The following CSMD1 variants were observed in gnomAD, a reference collection of about 807,000 sequenced individuals.
CSMD1 encodes CUB and sushi domain-containing protein 1.
In CSMD1, 213 loss-of-function variants were observed where a neutral mutation model predicts 417.5. That is an observed-to-expected ratio of 0.51 (90% CI 0.46 to 0.57). CSMD1 has a LOEUF of 0.57. CSMD1 is among the 20% of genes least tolerant of loss of function. CSMD1 has a pLI of 0.00. For synonymous variants in CSMD1, 2,862 were observed against 1,736.8 expected (o/e 1.65, Z -16.11); for missense variants, 6,923 against 4,529.7 (o/e 1.53, Z -15.17).
chr8:3,103,519 G>T (rs1815906022), intron 46 of CSMD1, among the ~76,000 whole-genome samples: 2 of 152,048 alleles, frequency 1.3e-5, no homozygotes, highest in Admixed American at 1.3e-4. Flanking sequence ...CATTGAAAAG[G>T]TAATGCGTGG....
chr8:3,712,396 G>GAGAGAGAA (rs1394460224), intron 6 of CSMD1, among the ~76,000 whole-genome samples: 2 of 63,924 alleles, frequency 3.1e-5, no homozygotes, highest in Non-Finnish European at 6.5e-5. Context: ...GAGAGAGAGA[G>GAGAGAGAA]AGAGACAGAC....
chr8:3,779,338 A>C (rs1799055750), intron 5 of CSMD1, among the ~76,000 whole-genome samples: 1 of 152,176 alleles, frequency 6.6e-6, no homozygotes, highest in Admixed American at 6.5e-5. Flanking sequence ...ATTTTAAAGT[A>C]GTACTGTAGC....
chr8:3,518,643 G>T (rs866137386), intron 10 of CSMD1, among the ~76,000 whole-genome samples: 12 of 152,078 alleles, frequency 7.9e-5, no homozygotes, highest in Admixed American at 6.6e-4. Context: ...AAAATGAAAG[G>T]AAGAAACAAA....
chr8:4,302,260 T>C (rs929714805), intron 3 of CSMD1, among the ~76,000 whole-genome samples: 5 of 152,184 alleles, frequency 3.3e-5, no homozygotes, highest in Non-Finnish European at 5.9e-5. Flanking sequence ...TAGGTGATGG[T>C]CTGGGAAAAT....
At chr8:3,182,220 T>A (rs1821378508) in intron 36 of CSMD1, among the ~76,000 whole-genome samples, 1 of 152,158 alleles carries the variant, frequency 6.6e-6, no homozygotes, top group Non-Finnish European at 1.5e-5. Flanking sequence ...CATCCTTAGC[T>A]CACCACTTAA....
intron 2 of CSMD1, among the ~76,000 whole-genome samples, chr8:4,431,092 A>G (rs866925556): frequency 2.0e-5 from 3 of 152,140 alleles, no homozygotes; most frequent in Admixed American, 6.6e-5. Flanking sequence ...TAGTGTTAAT[A>G]TATTTAATCT....
chr8:3,034,808 G>C (rs1810568140), intron 50 of CSMD1, among the ~76,000 whole-genome samples: 1 of 152,124 alleles, frequency 6.6e-6, no homozygotes. Flanking sequence ...ATAGACTAGG[G>C]AATAAGATAA....
intron 20 of CSMD1, among the ~76,000 whole-genome samples, chr8:3,365,945 T>C (rs768582056): frequency 2.6e-5 from 4 of 152,234 alleles, no homozygotes; most frequent in Non-Finnish European, 5.9e-5. Flanking sequence ...GCAAACTTTC[T>C]ACCAAGATCT....
chr8:4,115,519 T>C (rs758300090), intron 3 of CSMD1, among the ~76,000 whole-genome samples: 2 of 152,308 alleles, frequency 1.3e-5, no homozygotes, highest in African/African-American at 4.8e-5. Flanking sequence ...TGAAAAAACG[T>C]AGGATTCTTT....
At chr8:3,504,836 T>C (rs1054800865) in intron 10 of CSMD1, among the ~76,000 whole-genome samples, 9 of 151,910 alleles carry the variant, frequency 5.9e-5, no homozygotes, top group Admixed American at 4.6e-4. Context: ...TTCAAGAGAG[T>C]AGCAAGTTGA....
At chr8:3,736,568 C>G (rs532318335) in intron 6 of CSMD1, among the ~76,000 whole-genome samples, 7 of 152,302 alleles carry the variant, frequency 4.6e-5, no homozygotes, top group South Asian at 2.1e-4. Flanking sequence ...TGTCTACCAC[C>G]TGCCTCACCA....
chr8:4,642,060 G>A (rs961191272), intron 1 of CSMD1, among the ~76,000 whole-genome samples: 2 of 152,160 alleles, frequency 1.3e-5, no homozygotes, highest in African/African-American at 2.4e-5. Context: ...ACTGACCTAC[G>A]AAGTGCCTTG....
intron 1 of CSMD1, among the ~76,000 whole-genome samples, chr8:4,776,555 A>G (rs890351245): frequency 6.6e-6 from 1 of 152,110 alleles, no homozygotes; most frequent in African/African-American, 2.4e-5. Flanking sequence ...AAATTCCACT[A>G]CGGGCTGCAT....
chr8:4,757,395 G>A (rs189925016), intron 1 of CSMD1, among the ~76,000 whole-genome samples: 17 of 152,202 alleles, frequency 1.1e-4, no homozygotes, highest in African/African-American at 2.4e-4. Context: ...ACAAAAACTC[G>A]TTCATCTATA....
chr8:4,720,571 C>G (rs192964021), intron 1 of CSMD1, among the ~76,000 whole-genome samples: 2 of 152,078 alleles, frequency 1.3e-5, no homozygotes, highest in Non-Finnish European at 2.9e-5. Context: ...GCACATGCCA[C>G]CATGCCAGGC....
At chr8:3,413,773 G>A (rs1389277327) in intron 12 of CSMD1, among the ~76,000 whole-genome samples, 1 of 152,118 alleles carries the variant, frequency 6.6e-6, no homozygotes, top group Non-Finnish European at 1.5e-5. Context: ...AGATACTGTT[G>A]ACAATGATAC....
intron 50 of CSMD1, among the ~76,000 whole-genome samples, chr8:3,050,226 C>G (rs941045673): frequency 6.6e-6 from 1 of 151,944 alleles, no homozygotes; most frequent in Non-Finnish European, 1.5e-5. Context: ...TCAGTGCATA[C>G]CCAGTAGAGA....
Position 4,357,430 on chromosome 8 carries a change from G to C in CSMD1, c.415+62523C>G, listed in dbSNP as rs879455409. Among the ~76,000 whole-genome samples, 48 of 152,040 alleles carry C rather than the reference G, an allele frequency of 3.2e-4. 1 individual carries two copies. The highest frequency in any genetic ancestry group is 5.9e-5 in the Non-Finnish European group (4 of 68,006). ...TACTCCAAGGCCAGAAATATTAAGA[G>C]TTTATATTTTATCACCTCCAAGATA... On this transcript the variant is annotated intron_variant, in intron 3 of 69. Coordinates refer to ENST00000635120, the MANE Select transcript of CSMD1 (RefSeq NM_033225.6).
intron 12 of CSMD1, among the ~76,000 whole-genome samples, chr8:3,412,303 TG>T: frequency 6.6e-6 from 1 of 151,982 alleles, no homozygotes; most frequent in East Asian, 1.9e-4. Context: ...TAAATATGTG[TG>T]TGCAAGTATC....
Sources: allele counts gnomAD v4.1 joint callset (sites outside exome capture counted in the v4.1 genomes callset), GRCh38; gene constraint gnomAD v4.1.1; transcripts MANE v1.5; gene names NCBI Gene and HGNC (gene_info 2026-07-23, HGNC 2026-07-21).